LIN54: variants seen among roughly 807,000 people sequenced by gnomAD.
The protein encoded by LIN54 is protein lin-54 homolog.
A neutral mutation model predicts 78.7 loss-of-function variants in LIN54; 9 were observed. The ratio of observed to expected loss-of-function variants is 0.11; its 90% CI spans 0.07 to 0.20. LIN54 has a LOEUF of 0.20. Among genes scored for constraint, LIN54 ranks in the 10% least tolerant of loss-of-function variants. The pLI is 1.00. For missense variants in LIN54, 573 were observed against 889.9 expected (o/e 0.64, Z 4.53); for synonymous variants, 269 against 318.4 (o/e 0.84, Z 1.65).
At chr4:82,992,105 T>G (rs548930569) in intron 1 of LIN54, among the ~76,000 whole-genome samples, 5 of 152,206 alleles carry the variant, frequency 3.3e-5, no homozygotes, top group African/African-American at 1.2e-4. Flanking sequence ...TGTGGGAAGG[T>G]TTTTAACTAT....
intron 1 of LIN54, among the ~76,000 whole-genome samples, chr4:83,001,155 G>C (rs930278222): frequency 1.3e-5 from 2 of 152,134 alleles, no homozygotes; most frequent in African/African-American, 4.8e-5. Context: ...ACTGTGTCTA[G>C]ACATTGTGCA....
At chr4:82,929,784 C>T (rs935925272) in intron 12 of LIN54, among the ~76,000 whole-genome samples, 2 of 152,048 alleles carry the variant, frequency 1.3e-5, no homozygotes, top group African/African-American at 4.8e-5. Context: ...CCAGCCTGGG[C>T]AACAGAGTGA....
intron 1 of LIN54, chr4:83,003,376 T>C (rs764527274): frequency 6.6e-6 from 1 of 152,156 alleles, no homozygotes; most frequent in Non-Finnish European, 1.5e-5. Context: ...TATAGAACTA[T>C]ATTTCTCAAA....
At chr4:82,928,941 C>T (rs376996042) in intron 12 of LIN54, among the ~76,000 whole-genome samples, 4 of 152,314 alleles carry the variant, frequency 2.6e-5, no homozygotes, top group South Asian at 2.1e-4. Flanking sequence ...AGCAACCCAT[C>T]GTGAGGCTTG....
At chr4:82,928,937 C>T (rs1466025238) in intron 12 of LIN54, among the ~76,000 whole-genome samples, 1 of 152,112 alleles carries the variant, frequency 6.6e-6, no homozygotes, top group South Asian at 2.1e-4. Context: ...TTGGAGCAAC[C>T]CATCGTGAGG....
In LIN54 at chr4:82,939,901, C is replaced by G; in HGVS notation, c.1230G>C (p.Gln410His). 1 of 1,612,158 alleles carries G rather than the reference C, an allele frequency of 6.2e-7. No individual in the cohort carries two copies. Among genetic ancestry groups the G allele is most frequent in the Non-Finnish European group, 8.5e-7 (1 of 1,179,330 alleles). ...ATGTGATACTTACTTGTTTGACAGC[C>G]TGAGCTGAGACAATTGGAACTGACA... ...VRMSVPIVSA[Q>H]AVKQVVPKPI... Residue 410 changes from glutamine (Q) to histidine (H), a missense_variant, in exon 6 of 13, where the codon CAG (glutamine) becomes CAC (histidine). Around this residue, in one of 6 missense-constraint regions of LIN54, gnomAD observed 199 missense variants for 260.9 expected, o/e 0.76. Transcript: ENST00000340417.
intron 5 of LIN54, among the ~76,000 whole-genome samples, chr4:82,943,322 T>A (rs1723092419): frequency 6.6e-6 from 1 of 152,142 alleles, no homozygotes. Context: ...AGCACTTTCC[T>A]GAGTCCTTCT....
chr4:83,001,237 T>C (rs1728736539), intron 1 of LIN54, among the ~76,000 whole-genome samples: 1 of 151,932 alleles, frequency 6.6e-6, no homozygotes, highest in Non-Finnish European at 1.5e-5. Flanking sequence ...ACAAAAATGG[T>C]GGGAGGTGAA....
At chr4:82,995,489 C>CTTTTTTTTTTTTTTT (rs749880882) in intron 1 of LIN54, among the ~76,000 whole-genome samples, 1 of 76,348 alleles carries the variant, frequency 1.3e-5, no homozygotes. Flanking sequence ...ATCCTTATCT[C>CTTTTTTTTTTTTTTT]TTTTTTTTTT....
At chr4:83,004,576 G>T (rs1346165217) in intron 1 of LIN54, among the ~76,000 whole-genome samples, 3 of 152,046 alleles carry the variant, frequency 2.0e-5, no homozygotes, top group Non-Finnish European at 2.9e-5. Context: ...TGCAGCCTCG[G>T]ACACCTGGGC....
chr4:83,000,026 G>A (rs925687885), intron 1 of LIN54, among the ~76,000 whole-genome samples: 1 of 151,922 alleles, frequency 6.6e-6, no homozygotes, highest in East Asian at 1.9e-4. Flanking sequence ...CTGAATAGCT[G>A]GGACCACAGG....
At chr4:83,005,626 G>GAA (rs34604804) in intron 1 of LIN54, among the ~76,000 whole-genome samples, 9 of 104,594 alleles carry the variant, frequency 8.6e-5, no homozygotes, top group East Asian at 2.6e-4. Flanking sequence ...CTCCATCTCA[G>GAA]AAAAAAAAAA....
chr4:82,958,063 C>T (rs1724485183), intron 4 of LIN54, among the ~76,000 whole-genome samples: 1 of 152,314 alleles, frequency 6.6e-6, no homozygotes, highest in African/African-American at 2.4e-5. Flanking sequence ...TGAACCATTG[C>T]AAGCTGTTCA....
Position 82,947,235 on chromosome 4 carries a change from A to ATATATTTTTTTTT in LIN54, c.952-762_952-761insAAAAAAAAATATA. 8.1e-3 allele frequency among the ~76,000 whole-genome samples: 359 copies of ATATATTTTTTTTT among 44,298 alleles called. 9 individuals are homozygous for ATATATTTTTTTTT. The highest frequency in any genetic ancestry group is 0.036 in the Middle Eastern group (1 of 28). 29.1% of individuals were successfully genotyped at this position (44,298 alleles called of 152,430 possible). A position where few individuals can be genotyped will look rare whatever the true frequency, so the allele number is the denominator to read the frequency against. ...TATATATATATATATATATATATAT[A>ATATATTTTTTTTT]TTTTTTTTTTTTTTGAAGACAGGGT... On this transcript the variant is annotated intron_variant, in intron 4 of 12. Transcript: ENST00000340417.
At chr4:82,971,722 T>C (rs2126072206) in intron 3 of LIN54, among the ~76,000 whole-genome samples, 1 of 152,242 alleles carries the variant, frequency 6.6e-6, no homozygotes, top group East Asian at 1.9e-4. Context: ...AACAAAAATT[T>C]CCAACTGAAA....
intron 1 of LIN54, among the ~76,000 whole-genome samples, chr4:83,008,818 TGAA>T: frequency 6.6e-6 from 1 of 152,324 alleles, no homozygotes; most frequent in East Asian, 1.9e-4. Context: ...CAGGACAATC[TGAA>T]AACTGGTCTT....
At chr4:82,956,365 A>G (rs72664766) in intron 4 of LIN54, among the ~76,000 whole-genome samples, 2 of 150,690 alleles carry the variant, frequency 1.3e-5, no homozygotes, top group African/African-American at 2.4e-5. Flanking sequence ...AAAAAAAAAA[A>G]AGACTGTTTT....
At position 82,939,712 on chromosome 4, in the gene LIN54, T is replaced by C. The variant is rs747150321; in HGVS notation, c.1267A>G (p.Thr423Ala). The change falls in exon 7 of 13, where the codon ACT becomes GCT. Residue 423 changes from threonine (T) to alanine (A), a missense_variant. Physicochemically the swap from Thr to Ala is moderately conservative, Grantham distance 58. Transcript: ENST00000340417. ...KQVVPKPINP[T>A]SQIVTTSQPQ... is the part of the protein sequence containing the mutation. ...TGGCTAGTAGTTACTATTTGTGAAG[T>C]TGGATTGATTGGTTTTGGAACAACC... The C allele has an allele frequency of 3.1e-6, 5 of 1,614,146 alleles. No homozygotes were observed. Among genetic ancestry groups the C allele is most frequent in the South Asian group, 1.1e-5 (1 of 91,080 alleles).
At chr4:82,937,958 G>C (rs113964652) in intron 8 of LIN54, among the ~76,000 whole-genome samples, 3 of 151,950 alleles carry the variant, frequency 2.0e-5, no homozygotes, top group African/African-American at 7.3e-5. Context: ...TAGTGAGACC[G>C]CATCTCTACA....
Sources: gnomAD v4.1 joint callset for allele counts (sites outside exome capture counted in the v4.1 genomes callset) on GRCh38, gnomAD v4.1.1 for gene constraint, gnomAD v4.1.1 regional missense constraint, MANE v1.5 for transcripts, NCBI Gene and HGNC (gene_info 2026-07-23, HGNC 2026-07-21) for gene names.